MBOAT1: variants seen among roughly 807,000 people sequenced by gnomAD.
The protein encoded by MBOAT1 is membrane-bound glycerophospholipid O-acyltransferase 1.
Under a neutral mutation model 64.4 loss-of-function variants are expected in MBOAT1, and 67 were observed. That is an observed-to-expected ratio of 1.04 (90% CI 0.85 to 1.27). MBOAT1 has a LOEUF of 1.27. MBOAT1 is among the 50% of genes most tolerant of loss of function. The pLI, the probability that MBOAT1 is intolerant of heterozygous loss-of-function variation, is 0.00. For synonymous variants in MBOAT1, 229 were observed against 218.9 expected (o/e 1.05, Z -0.41); for missense variants, 563 against 604.6 (o/e 0.93, Z 0.72).
chr6:20,199,275 A>G (rs1282167658), intron 1 of MBOAT1, among the ~76,000 whole-genome samples: 4 of 152,236 alleles, frequency 2.6e-5, no homozygotes, highest in Non-Finnish European at 5.9e-5. Flanking sequence ...AAGATGAAAC[A>G]GAGCTTCACC....
chr6:20,112,059 G>T (rs1035311903), intron 11 of MBOAT1, among the ~76,000 whole-genome samples: 1 of 150,430 alleles, frequency 6.6e-6, no homozygotes, highest in Non-Finnish European at 1.5e-5. Flanking sequence ...CTATGTGGGG[G>T]CTCCTGAATT....
At chr6:20,159,489 C>T (rs1761786485) in intron 1 of MBOAT1, among the ~76,000 whole-genome samples, 1 of 152,144 alleles carries the variant, frequency 6.6e-6, no homozygotes, top group South Asian at 2.1e-4. Context: ...CAACATGATA[C>T]ACCTAGAAGA....
rs149774767 is a variant in MBOAT1 at position 20,170,348 on chromosome 6, C to T, written c.100-17579G>A. 2.6e-3 allele frequency among the ~76,000 whole-genome samples: 390 copies of T among 152,258 alleles called. 1 individual carries two copies. The highest frequency in any genetic ancestry group is 4.4e-3 in the Non-Finnish European group (297 of 68,020). On this transcript the variant is annotated intron_variant, in intron 1 of 12. Coordinates refer to ENST00000324607, the MANE Select transcript of MBOAT1 (RefSeq NM_001080480.3). ...CCTCACTTGCATAAACCATAGACAC[C>T]TAAATTTCTCTGTCCTTAACAGTTC... is the stretch of plus-strand genomic sequence containing the variant.
Position 20,152,716 on chromosome 6 carries a change from G to A in MBOAT1, c.153C>T (p.Arg51=), listed in dbSNP as rs1480967599. 1 of 1,612,394 alleles carries A rather than the reference G, an allele frequency of 6.2e-7. No individual in the cohort carries two copies. The highest frequency in any genetic ancestry group is 8.5e-7 in the Non-Finnish European group (1 of 1,178,858). ...LVALFAAFWF[R]IYLRPGTTSS... is the part of the protein sequence containing the mutation. ...TGGTTGTACCAGGACGTAAGTAGATGCGAAACCAGAAAGCAGCAAACAGAG... is the reference window on the plus strand; with the variant it reads ...TGGTTGTACCAGGACGTAAGTAGATACGAAACCAGAAAGCAGCAAACAGAG... Residue 51 remains arginine, a synonymous_variant, in exon 2 of 13, where the codon CGC becomes CGT. Transcript: ENST00000324607.
At chr6:20,104,760 C>T (rs1313368954) in intron 12 of MBOAT1, among the ~76,000 whole-genome samples, 2 of 152,224 alleles carry the variant, frequency 1.3e-5, no homozygotes, top group African/African-American at 4.8e-5. Context: ...TAAACTTCCC[C>T]ATCCTTTAGC....
chr6:20,174,548 C>T (rs887565765), intron 1 of MBOAT1, among the ~76,000 whole-genome samples: 31 of 152,198 alleles, frequency 2.0e-4, no homozygotes, highest in African/African-American at 6.0e-4. Flanking sequence ...CTGGAAGTTG[C>T]TCTGAGTGAG....
intron 4 of MBOAT1, among the ~76,000 whole-genome samples, chr6:20,142,442 C>T (rs1487835933): frequency 1.3e-5 from 2 of 152,216 alleles, no homozygotes; most frequent in African/African-American, 4.8e-5. Context: ...ACTAGCAATG[C>T]ATGTTGGGCT....
intron 12 of MBOAT1, 95 bp downstream of exon 12, chr6:20,109,503 T>C (rs1760057722): frequency 1.4e-6 from 2 of 1,469,838 alleles, no homozygotes; most frequent in Non-Finnish European, 1.9e-6. Flanking sequence ...TTAGAAGTGT[T>C]TAGGACTGCT....
intron 7 of MBOAT1, 96 bp downstream of exon 7, chr6:20,126,421 C>A (rs965802443): frequency 1.3e-5 from 14 of 1,058,278 alleles, no homozygotes; most frequent in Non-Finnish European, 1.8e-5. Context: ...ATTGGCCAAG[C>A]TTTCTGGTAA....
intron 8 of MBOAT1, among the ~76,000 whole-genome samples, chr6:20,119,232 T>C (rs1005001913): frequency 1.3e-5 from 2 of 152,128 alleles, no homozygotes; most frequent in Non-Finnish European, 2.9e-5. Flanking sequence ...ACCCATAAAG[T>C]CCCTTTAAAA....
chr6:20,192,043 CT>C (rs1561783316), intron 1 of MBOAT1, among the ~76,000 whole-genome samples: 1 of 151,916 alleles, frequency 6.6e-6, no homozygotes, highest in Non-Finnish European at 1.5e-5. Flanking sequence ...ACTACTAATT[CT>C]TTTTTTTAAT....
intron 1 of MBOAT1, among the ~76,000 whole-genome samples, chr6:20,180,003 C>T (rs888060594): frequency 2.0e-5 from 3 of 152,058 alleles, no homozygotes; most frequent in Admixed American, 6.5e-5. Flanking sequence ...CAAAGTTCAG[C>T]TCACCAGAAC....
intron 1 of MBOAT1, among the ~76,000 whole-genome samples, chr6:20,173,458 T>C (rs1762258333): frequency 6.6e-6 from 1 of 152,124 alleles, no homozygotes; most frequent in African/African-American, 2.4e-5. Context: ...AGATACCACA[T>C]TGAATGGAAA....
At chr6:20,102,991 A>G (rs575220701) in intron 12 of MBOAT1, among the ~76,000 whole-genome samples, 205 of 152,372 alleles carry the variant, frequency 1.3e-3, no homozygotes, top group Non-Finnish European at 2.3e-3. Flanking sequence ...TATTACATAC[A>G]ATACATAGTA....
At chr6:20,154,358 C>A (rs1761614647) in intron 1 of MBOAT1, among the ~76,000 whole-genome samples, 1 of 152,068 alleles carries the variant, frequency 6.6e-6, no homozygotes, top group South Asian at 2.1e-4. Context: ...CATGGTAAAA[C>A]CCTGTCTCTG....
chr6:20,206,805 C>G (rs1028629509), intron 1 of MBOAT1, among the ~76,000 whole-genome samples: 1 of 152,164 alleles, frequency 6.6e-6, no homozygotes, highest in African/African-American at 2.4e-5. Flanking sequence ...ACTCAACAGA[C>G]TTTCACCCCC....
intron 1 of MBOAT1, among the ~76,000 whole-genome samples, chr6:20,161,466 C>T (rs994386400): frequency 6.6e-6 from 1 of 152,048 alleles, no homozygotes; most frequent in Non-Finnish European, 1.5e-5. Context: ...AATTGTCTTC[C>T]ACAAAACCAG....
intron 3 of MBOAT1, among the ~76,000 whole-genome samples, chr6:20,145,536 A>G (rs1761303401): frequency 6.6e-6 from 1 of 152,220 alleles, no homozygotes; most frequent in Non-Finnish European, 1.5e-5. Flanking sequence ...ATAAACAACT[A>G]TGTGACAGCT....
chr6:20,103,574 T>C (rs971056630), intron 12 of MBOAT1, among the ~76,000 whole-genome samples: 1 of 151,978 alleles, frequency 6.6e-6, no homozygotes, highest in African/African-American at 2.4e-5. Context: ...TGGGACTACA[T>C]GCGCCACCAC....
Sources: gnomAD v4.1 joint callset for allele counts (sites outside exome capture counted in the v4.1 genomes callset) on GRCh38, gnomAD v4.1.1 for gene constraint, MANE v1.5 for transcripts, NCBI Gene and HGNC (gene_info 2026-07-23, HGNC 2026-07-21) for gene names.